PRRG2: variants seen among roughly 807,000 people sequenced by gnomAD.
The protein encoded by PRRG2 is transmembrane gamma-carboxyglutamic acid protein 2.
A neutral mutation model predicts 27.1 loss-of-function variants in PRRG2; 23 were observed. The observed-to-expected ratio is 0.85, with a 90% confidence interval of 0.61 to 1.20. PRRG2 has a LOEUF of 1.20. Among genes scored for constraint, PRRG2 ranks in the 50% most tolerant of loss-of-function variants. The pLI is 0.00. For missense variants in PRRG2, 276 were observed against 254.8 expected (o/e 1.08, Z -0.57); for synonymous variants, 104 against 103.4 (o/e 1.01, Z -0.03).
At chr19:49,590,319 G>C (rs770432817) in intron 6 of PRRG2, 52 bp from the exon 7 acceptor site, 6 of 1,613,608 alleles carry the variant, frequency 3.7e-6, no homozygotes, top group Admixed American at 1.7e-5. Flanking sequence ...GGTTGAAGGG[G>C]GGAGAAAAAC....
rs534961377 is a variant in PRRG2, at chr19:49,584,089, T to C, written c.301+137T>C. ...CAATTCTGTGCTCTCTGAAGCTGGC[T>C]GCTAAAGGAGTTCCCTCCCTTAAGA... On this transcript the variant is annotated intron_variant, in intron 4 of 6. Coordinates refer to ENST00000246794, the MANE Select transcript of PRRG2 (RefSeq NM_000951.3). The C allele has an allele frequency of 1.3e-3, 1,153 of 890,718 alleles. 22 individuals are homozygous for C. The South Asian group carries it at 0.018, about 14-fold the overall frequency. 55.2% of individuals were successfully genotyped at this position (890,718 alleles called of 1,614,324 possible).
At chr19:49,581,982 G>A (rs1890066052) in intron 1 of PRRG2, among the ~76,000 whole-genome samples, 2 of 151,934 alleles carry the variant, frequency 1.3e-5, no homozygotes, top group Non-Finnish European at 2.9e-5. Flanking sequence ...GCTCACACCT[G>A]TAATCCCAGC....
intron 4 of PRRG2, among the ~76,000 whole-genome samples, chr19:49,585,591 G>A (rs1036757154): frequency 1.3e-5 from 2 of 152,040 alleles, no homozygotes; most frequent in South Asian, 2.1e-4. Flanking sequence ...TGAGGTTCAG[G>A]AGTTCGAGAT....
chr19:49,586,699 A>G (rs1218356398), intron 4 of PRRG2, among the ~76,000 whole-genome samples: 5 of 152,120 alleles, frequency 3.3e-5, no homozygotes, highest in Non-Finnish European at 7.4e-5. Context: ...AAAAATATAA[A>G]AATTAGCTGG....
chr19:49,589,932 A>T lies in PRRG2; in HGVS notation c.470A>T (p.Asn157Ile). Residue 157 changes from asparagine to isoleucine, a missense_variant, in exon 6 of 7, where the codon AAC becomes ATC. Physicochemically the swap from Asn to Ile is moderately radical, Grantham distance 149. Transcript: ENST00000246794. ...CTCATTAGCCCTCTGAGTCCTTTGA[A>T]CCCTCTGGGCCCACCGACGCCCCTG... ...AGLISPLSPL[N>I]PLGPPTPLPP... 1 of 1,609,492 alleles carries T rather than the reference A, an allele frequency of 6.2e-7. No individual in the cohort carries two copies. Among genetic ancestry groups the T allele is most frequent in the Middle Eastern group, 1.7e-4 (1 of 6,060 alleles).
chr19:49,586,065 G>A (rs1489052071), intron 4 of PRRG2, among the ~76,000 whole-genome samples: 2 of 118,608 alleles, frequency 1.7e-5, no homozygotes, highest in Non-Finnish European at 3.3e-5. Context: ...GGGCAACAGA[G>A]TGTCTCCAAA....
intron 4 of PRRG2, 67 bp from the exon 5 acceptor site, chr19:49,588,430 G>A: frequency 2.6e-6 from 4 of 1,535,986 alleles, no homozygotes; most frequent in South Asian, 1.2e-5. Flanking sequence ...TCAGTGGGAA[G>A]GAATTTTGAT....
chr19:49,588,457 G>A, intron 4 of PRRG2, 40 bp from the exon 5 acceptor site: 3 of 1,559,258 alleles, frequency 1.9e-6, no homozygotes, highest in Non-Finnish European at 2.6e-6. Context: ...GTGGGTGGCA[G>A]TCCCCGAGAC....
intron 1 of PRRG2, among the ~76,000 whole-genome samples, chr19:49,582,102 G>A (rs1256526113): frequency 1.3e-5 from 2 of 151,344 alleles, no homozygotes; most frequent in Admixed American, 1.3e-4. Context: ...TTAGCCAGGC[G>A]TGGTGGTGCG....
intron 5 of PRRG2, 26 bp from the exon 6 acceptor site, chr19:49,589,874 G>A: frequency 6.2e-7 from 1 of 1,612,558 alleles, no homozygotes; most frequent in East Asian, 2.2e-5. Context: ...AGTTGCCTCT[G>A]CTAACTGTAC....
rs1253243350 is a variant in PRRG2 at position 49,583,550 on chromosome 19, C to T, written c.94C>T (p.Leu32=). The change falls in exon 3 of 7, where the codon CTG becomes TTG. Residue 32 remains leucine (L), a synonymous_variant. Coordinates refer to ENST00000246794, the MANE Select transcript of PRRG2 (RefSeq NM_000951.3). ...CATGTCTTTGGGTCCAGAAGTCTTC[C>T]TGGGTCCCCCAGAGGCCCAGAGCTT... ...PSEETDQEVF[L]GPPEAQSFLS... 2.5e-6 allele frequency: 4 copies of T among 1,613,980 alleles called. No individual in the cohort carries two copies. In the African/African-American group the frequency reaches 5.3e-5, roughly 22 times the overall value.
At chr19:49,584,643 T>C (rs1175351820) in intron 4 of PRRG2, among the ~76,000 whole-genome samples, 1 of 152,164 alleles carries the variant, frequency 6.6e-6, no homozygotes, top group African/African-American at 2.4e-5. Flanking sequence ...TTTGTAGTTT[T>C]TGTACAGACG....
Position 49,590,365 on chromosome 19 carries a change from T to C in PRRG2, c.591-6T>C. ...TTGACTCCCTAGTGTGCCTTTCCTC[T>C]TGCAGCCTCAGGAGGCCTCACTGAA... On this transcript the variant is annotated splice_region_variant and splice_polypyrimidine_tract_variant and intron_variant, in intron 6 of 6. Coordinates refer to ENST00000246794, the MANE Select transcript of PRRG2 (RefSeq NM_000951.3). 3.1e-6 allele frequency: 5 copies of C among 1,614,162 alleles called. No individual in the cohort carries two copies. The highest frequency in any genetic ancestry group is 1.1e-5 in the South Asian group (1 of 91,082).
intron 4 of PRRG2, 69 bp from the exon 5 acceptor site, chr19:49,588,428 A>G: frequency 6.5e-7 from 1 of 1,531,948 alleles, no homozygotes; most frequent in East Asian, 2.4e-5. Flanking sequence ...CCTCAGTGGG[A>G]AGGAATTTTG....
At chr19:49,587,776 C>CGCCTG (rs1299302023) in intron 4 of PRRG2, among the ~76,000 whole-genome samples, 3 of 151,444 alleles carry the variant, frequency 2.0e-5, no homozygotes, top group African/African-American at 4.9e-5. Flanking sequence ...TGAGCCACCG[C>CGCCTG]GCCTGGCTAA....
intron 4 of PRRG2, among the ~76,000 whole-genome samples, chr19:49,586,648 C>T (rs1163021216): frequency 5.3e-5 from 8 of 151,978 alleles, no homozygotes; most frequent in Admixed American, 3.9e-4. Context: ...GTCAAGAGAT[C>T]GAGATCATCC....
At chr19:49,590,329 C>T (rs1181268025) in intron 6 of PRRG2, 42 bp from the exon 7 acceptor site, 1 of 1,613,894 alleles carries the variant, frequency 6.2e-7, no homozygotes, top group African/African-American at 1.3e-5. Context: ...GGGAGAAAAA[C>T]AGCCAGATCT....
rs2080708477 is a variant in PRRG2 at position 49,590,242 on chromosome 19, G to C, written c.591-129G>C. 1.8e-5 allele frequency: 27 copies of C among 1,488,862 alleles called. No homozygotes were observed. In the East Asian group the frequency reaches 6.1e-4, roughly 34 times the overall value. 92.2% of individuals were successfully genotyped at this position (1,488,862 alleles called of 1,614,324 possible). A position where few individuals can be genotyped will look rare whatever the true frequency, so the allele number is the denominator to read the frequency against. Reference sequence around the variant, plus strand: ...GCGTTGTATGTGTGGAGCCGTATAGGAGGGTGGGGCCTGTGCCCAGAGGGT... The same window carrying C: ...GCGTTGTATGTGTGGAGCCGTATAGCAGGGTGGGGCCTGTGCCCAGAGGGT... On this transcript the variant is annotated intron_variant, in intron 6 of 6. Transcript: ENST00000246794.
At chr19:49,583,996 A>G in intron 4 of PRRG2, 44 bp downstream of exon 4, 1 of 1,571,858 alleles carries the variant, frequency 6.4e-7, no homozygotes, top group African/African-American at 1.4e-5. Context: ...CAGCTAAGGT[A>G]GTCCCTTCCC....
Sources: gnomAD v4.1 joint callset for allele counts (sites outside exome capture counted in the v4.1 genomes callset) on GRCh38, gnomAD v4.1.1 for gene constraint, MANE v1.5 for transcripts, NCBI Gene and HGNC (gene_info 2026-07-23, HGNC 2026-07-21) for gene names.